NUP210L: variants seen among roughly 807,000 people sequenced by gnomAD.
NUP210L encodes nuclear pore membrane glycoprotein 210-like.
Under a neutral mutation model 208.5 loss-of-function variants are expected in NUP210L, and 74 were observed. That is an observed-to-expected ratio of 0.35 (90% CI 0.29 to 0.43). The LOEUF (loss-of-function observed/expected upper bound fraction) is 0.43, where lower values mean the gene tolerates loss of function less well. Among genes scored for constraint, NUP210L ranks in the 20% least tolerant of loss-of-function variants. NUP210L has a pLI of 1.00. For missense variants in NUP210L, 1,843 were observed against 2,289.4 expected, an observed-to-expected ratio of 0.81 and a Z score of 3.98; for synonymous variants, 780 against 816.9, an observed-to-expected ratio of 0.95 and a Z score of 0.77.
At chr1:154,027,118 C>G (rs1360709350) in intron 29 of NUP210L, among the ~76,000 whole-genome samples, 1 of 128,250 alleles carries the variant, frequency 7.8e-6, no homozygotes, top group African/African-American at 3.1e-5. Flanking sequence ...AAACAAAAAA[C>G]ACAAAACGTT....
At chr1:154,131,788 CTTTCTTTT>C (rs1658268329) in intron 7 of NUP210L, among the ~76,000 whole-genome samples, 2 of 151,930 alleles carry the variant, frequency 1.3e-5, no homozygotes, top group Admixed American at 6.6e-5. Context: ...TCTGGTTTTT[CTTTCTTTT>C]TTTCTTTTTT....
rs534899424 is a variant in NUP210L, at chr1:154,035,910, T to G, written c.3697-5856A>C. ...CACCGCGCCTGGCTAATTTTTTGTA[T>G]TTTTAGTAGAGACAGGGTTTCACCA... On this transcript the variant is annotated intron_variant, in intron 27 of 39. Transcript: ENST00000368559. Among the ~76,000 whole-genome samples, 3 of 151,936 alleles carry G rather than the reference T, an allele frequency of 2.0e-5. No homozygotes were observed. The East Asian group carries it at 5.8e-4, about 29-fold the overall frequency.
chr1:154,078,671 C>T (rs1018454903), intron 16 of NUP210L, among the ~76,000 whole-genome samples: 4 of 151,004 alleles, frequency 2.6e-5, no homozygotes, highest in Admixed American at 6.6e-5. Context: ...ATTTATATGA[C>T]AAAAACAGCA....
intron 2 of NUP210L, 38 bp downstream of exon 2, chr1:154,152,698 A>G (rs1659460584): frequency 1.9e-6 from 3 of 1,584,384 alleles, no homozygotes; most frequent in Non-Finnish European, 2.6e-6. Flanking sequence ...ATTCTACCCC[A>G]GAAGAAGTGA....
At chr1:154,015,043 CT>C (rs1003347734) in intron 33 of NUP210L, among the ~76,000 whole-genome samples, 2 of 151,822 alleles carry the variant, frequency 1.3e-5, no homozygotes, top group African/African-American at 4.8e-5. Context: ...TGGGAAAATA[CT>C]TTTTTTTCTT....
At chr1:154,068,119 T>C (rs1051538785) in intron 17 of NUP210L, among the ~76,000 whole-genome samples, 1 of 152,118 alleles carries the variant, frequency 6.6e-6, no homozygotes, top group African/African-American at 2.4e-5. Context: ...AGAGCCCACA[T>C]TGCCAAGACA....
intron 10 of NUP210L, among the ~76,000 whole-genome samples, chr1:154,122,184 G>A (rs183402619): frequency 1.1e-3 from 167 of 151,870 alleles, no homozygotes; most frequent in Non-Finnish European, 2.1e-3. Context: ...CAACCACTTA[G>A]ATAAAATGGA....
In NUP210L at chr1:154,114,940, C is replaced by T. The variant is rs114917805; in HGVS notation, c.1620+2785G>A. Among the ~76,000 whole-genome samples the T allele has an allele frequency of 7.5e-3, 1,142 of 152,230 alleles. 12 individuals carry two copies. The highest frequency in any genetic ancestry group is 0.026 in the African/African-American group (1,099 of 41,540). On this transcript the variant is annotated intron_variant, in intron 12 of 39. Transcript: ENST00000368559. ...ACCCCGCTGGCAAAGTGAGAAACCTCCACATCATCTCTGTGGCTTTAAATG... is the reference window on the plus strand; with the variant it reads ...ACCCCGCTGGCAAAGTGAGAAACCTTCACATCATCTCTGTGGCTTTAAATG...
intron 37 of NUP210L, among the ~76,000 whole-genome samples, chr1:153,999,432 A>C (rs1650078509): frequency 6.6e-6 from 1 of 152,226 alleles, no homozygotes; most frequent in African/African-American, 2.4e-5. Flanking sequence ...TTTTGAAGAC[A>C]ACAAAACATT....
chr1:154,006,966 A>ATATATATATT (rs1211789619), intron 35 of NUP210L, among the ~76,000 whole-genome samples: 1 of 115,810 alleles, frequency 8.6e-6, no homozygotes, highest in African/African-American at 3.3e-5. Flanking sequence ...ATATATATAT[A>ATATATATATT]TTTTTTTTTT....
chr1:154,040,883 G>A (rs1433469972), intron 27 of NUP210L, among the ~76,000 whole-genome samples: 2 of 152,042 alleles, frequency 1.3e-5, no homozygotes, highest in Non-Finnish European at 2.9e-5. Context: ...GAGCCACCGC[G>A]CCCAGCCAGA....
At chr1:154,024,967 G>A (rs1284422448) in intron 30 of NUP210L, among the ~76,000 whole-genome samples, 3 of 120,838 alleles carry the variant, frequency 2.5e-5, no homozygotes, top group Non-Finnish European at 4.8e-5. Context: ...TCTTGCTGTC[G>A]CCCAGGTTGG....
At chr1:153,993,610 G>C (rs1201023594) in intron 38 of NUP210L, among the ~76,000 whole-genome samples, 3 of 149,374 alleles carry the variant, frequency 2.0e-5, no homozygotes, top group Admixed American at 1.3e-4. Context: ...CAATAGTGTT[G>C]TGTTAATTTT....
chr1:154,017,984 T>G (rs1400388472), intron 33 of NUP210L, among the ~76,000 whole-genome samples: 1 of 152,006 alleles, frequency 6.6e-6, no homozygotes, highest in African/African-American at 2.4e-5. Flanking sequence ...TTTTTTTCTT[T>G]TTTTTGAGAG....
chr1:154,090,033 T>C (rs1470404504), intron 15 of NUP210L, among the ~76,000 whole-genome samples: 1 of 151,886 alleles, frequency 6.6e-6, no homozygotes, highest in Non-Finnish European at 1.5e-5. Flanking sequence ...GCCATGTTCA[T>C]GCCATTGCAC....
intron 32 of NUP210L, among the ~76,000 whole-genome samples, chr1:154,021,027 C>A (rs1216092196): frequency 6.6e-6 from 1 of 151,118 alleles, no homozygotes; most frequent in Non-Finnish European, 1.5e-5. Context: ...CTGCAACCTC[C>A]AACTCCCAGG....
At chr1:154,117,668 C>A in intron 12 of NUP210L, 57 bp downstream of exon 12, 3 of 1,350,566 alleles carry the variant, frequency 2.2e-6, no homozygotes, top group South Asian at 1.4e-5. Context: ...GTGTTAATTA[C>A]TTAAATTTAG....
intron 23 of NUP210L, among the ~76,000 whole-genome samples, chr1:154,055,122 C>CTT (rs770564459): frequency 1.7e-5 from 2 of 118,524 alleles, no homozygotes; most frequent in African/African-American, 7.3e-5. Context: ...CTCTTTCTTT[C>CTT]TTTTCTTTCT....
At chr1:154,025,421 T>C in intron 30 of NUP210L, 121 bp downstream of exon 30, 1 of 569,122 alleles carries the variant, frequency 1.8e-6, no homozygotes, top group Non-Finnish European at 2.8e-6. Context: ...CTTTTCTTTT[T>C]CTTTTTTTCT....
Sources: gnomAD v4.1 joint callset for allele counts (sites outside exome capture counted in the v4.1 genomes callset) on GRCh38, gnomAD v4.1.1 for gene constraint, MANE v1.5 for transcripts, NCBI Gene and HGNC (gene_info 2026-07-23, HGNC 2026-07-21) for gene names.